Variants in SEC23A observed in about 807,000 individuals in gnomAD.
SEC23A encodes SEC23 homolog A, COPII component, also known as protein transport protein Sec23A.
Under a neutral mutation model 103.7 loss-of-function variants are expected in SEC23A, and 56 were observed. That is an observed-to-expected ratio of 0.54 (90% confidence interval 0.44 to 0.67). The LOEUF (loss-of-function observed/expected upper bound fraction) is 0.67, where lower values mean the gene tolerates loss of function less well. Among genes scored for constraint, SEC23A ranks in the 30% least tolerant of loss-of-function variants. The pLI is 0.00. For missense variants in SEC23A, 784 were observed against 936.4 expected, an observed-to-expected ratio of 0.84 and a Z score of 2.12; for synonymous variants, 281 against 293.0, an observed-to-expected ratio of 0.96 and a Z score of 0.42.
intron 6 of SEC23A, 151 bp from the exon 7 acceptor site, chr14:39,086,057 T>A: frequency 1.4e-6 from 1 of 717,188 alleles, no homozygotes; most frequent in East Asian, 2.7e-5. Context: ...GAGAACCAGC[T>A]GGAGGGCTTG....
chr14:39,076,261 T>G (rs1887016128), intron 7 of SEC23A, among the ~76,000 whole-genome samples, 168 bp from the exon 8 acceptor site: 1 of 152,170 alleles, frequency 6.6e-6, no homozygotes, highest in African/African-American at 2.4e-5. Context: ...TGAACAACTT[T>G]CTTTTAAAAT....
At position 39,087,016 on chromosome 14, in the gene SEC23A, G is replaced by C. The variant is rs569798520; in HGVS notation, c.604-8C>G. 27 of 1,429,964 alleles carry C rather than the reference G, an allele frequency of 1.9e-5. No individual in the cohort carries two copies. In the African/African-American group the frequency reaches 2.2e-4, roughly 12 times the overall value. The allele number at this position is 1,429,964 out of a possible 1,614,324, so 88.6% of individuals were successfully genotyped here. On this transcript the variant is annotated splice_polypyrimidine_tract_variant and splice_region_variant and intron_variant, in intron 5 of 19. Transcript: ENST00000307712. ...AGAGAGCCCCAGCATTTCCTGTAAA[G>C]AGATTACTTGTGCAATATTCATTTA...
chr14:39,069,863 A>G (rs746666162), intron 9 of SEC23A, among the ~76,000 whole-genome samples: 4 of 152,158 alleles, frequency 2.6e-5, no homozygotes, highest in Non-Finnish European at 5.9e-5. Context: ...CTTTGCTAAA[A>G]TATCACCTTC....
intron 9 of SEC23A, among the ~76,000 whole-genome samples, chr14:39,068,000 G>T (rs957143360): frequency 6.6e-6 from 1 of 151,940 alleles, no homozygotes; most frequent in African/African-American, 2.4e-5. Flanking sequence ...GTATGTGTGT[G>T]TATGTATATG....
At chr14:39,100,366 T>C (rs551651681) in intron 1 of SEC23A, among the ~76,000 whole-genome samples, 11 of 152,166 alleles carry the variant, frequency 7.2e-5, no homozygotes, top group South Asian at 4.1e-4. Flanking sequence ...CTTAGTCCCA[T>C]GTCCGACAAT....
At chr14:39,043,263 A>G (rs1760678249) in intron 16 of SEC23A, among the ~76,000 whole-genome samples, 1 of 152,158 alleles carries the variant, frequency 6.6e-6, no homozygotes, top group African/African-American at 2.4e-5. Flanking sequence ...TTACAGGCTC[A>G]GCACTAAATT....
intron 15 of SEC23A, among the ~76,000 whole-genome samples, chr14:39,047,066 G>A (rs950451679): frequency 6.6e-6 from 1 of 152,156 alleles, no homozygotes; most frequent in African/African-American, 2.4e-5. Flanking sequence ...TAAATGTTAG[G>A]TAATATTTTG....
intron 7 of SEC23A, among the ~76,000 whole-genome samples, chr14:39,083,363 C>T (rs904475921): frequency 6.6e-5 from 10 of 151,966 alleles, no homozygotes; most frequent in Non-Finnish European, 1.0e-4. Context: ...ACCTGTCTCT[C>T]ACCTATCTGT....
intron 18 of SEC23A, 187 bp downstream of exon 18, chr14:39,040,545 A>C (rs1374458183): frequency 1.5e-6 from 1 of 671,646 alleles, no homozygotes; most frequent in Admixed American, 2.4e-5. Flanking sequence ...TTAGGCAACT[A>C]GTCAATAATC....
chr14:39,050,064 G>C (rs537748655), intron 14 of SEC23A, among the ~76,000 whole-genome samples: 7 of 151,944 alleles, frequency 4.6e-5, no homozygotes, highest in Admixed American at 4.6e-4. Context: ...CACCGTGCCC[G>C]GCCAAAAACA....
intron 19 of SEC23A, among the ~76,000 whole-genome samples, chr14:39,034,015 A>G (rs1424170949): frequency 6.6e-6 from 1 of 152,250 alleles, no homozygotes; most frequent in African/African-American, 2.4e-5. Context: ...AATTTCAGCA[A>G]ATTATTGGCA....
intron 7 of SEC23A, among the ~76,000 whole-genome samples, chr14:39,077,309 C>T (rs1325410138): frequency 6.7e-6 from 1 of 149,428 alleles, no homozygotes; most frequent in African/African-American, 2.5e-5. Context: ...TTTCAGAGGC[C>T]GAAGCGGGTG....
chr14:39,093,945 A>G (rs541342848), intron 2 of SEC23A, among the ~76,000 whole-genome samples: 1 of 152,198 alleles, frequency 6.6e-6, no homozygotes, highest in South Asian at 2.1e-4. Context: ...TGATACAAGA[A>G]AAAGAGAACT....
At chr14:39,053,476 C>T (rs1252154598) in intron 14 of SEC23A, among the ~76,000 whole-genome samples, 1 of 151,034 alleles carries the variant, frequency 6.6e-6, no homozygotes, top group Non-Finnish European at 1.5e-5. Flanking sequence ...TAATAGTGTC[C>T]CATCAATAGT....
Position 39,048,608 on chromosome 14 carries a change from G to A in SEC23A, c.1737+44C>T, listed in dbSNP as rs778555993. 5 of 1,273,450 alleles carry A rather than the reference G, an allele frequency of 3.9e-6. No homozygotes were observed. In the South Asian group the frequency reaches 4.8e-5, roughly 12 times the overall value. The allele number at this position is 1,273,450 out of a possible 1,614,324, so 78.9% of individuals were successfully genotyped here. On this transcript the variant is annotated intron_variant, in intron 15 of 19. Coordinates refer to ENST00000307712, the MANE Select transcript of SEC23A (RefSeq NM_006364.4). Reference sequence around the variant, plus strand: ...TAGGGAGAGCCTGTCTCTAAAAAAGGAAAAAAAAGAAAAGAAAAGAATATG... The same window carrying A: ...TAGGGAGAGCCTGTCTCTAAAAAAGAAAAAAAAAGAAAAGAAAAGAATATG...
intron 7 of SEC23A, 47 bp downstream of exon 7, chr14:39,085,714 AC>A: frequency 6.2e-7 from 1 of 1,603,634 alleles, no homozygotes; most frequent in Non-Finnish European, 8.5e-7. Flanking sequence ...ACACACACAC[AC>A]ACACACACAC....
intron 14 of SEC23A, among the ~76,000 whole-genome samples, chr14:39,052,336 A>C (rs1315589086): frequency 6.6e-6 from 1 of 152,232 alleles, no homozygotes; most frequent in African/African-American, 2.4e-5. Context: ...TTAAAAAACA[A>C]TCTCAAAATT....
rs1327416185 is a variant in SEC23A, at chr14:39,065,008, TACA to T, written c.1228-18_1228-16del. The T allele has an allele frequency of 1.3e-6, 2 of 1,553,098 alleles. No individual in the cohort carries two copies. The highest frequency in any genetic ancestry group is 1.8e-6 in the Non-Finnish European group (2 of 1,124,296). On this transcript the variant is annotated splice_polypyrimidine_tract_variant and intron_variant, in intron 10 of 19. Coordinates refer to ENST00000307712, the MANE Select transcript of SEC23A (RefSeq NM_006364.4). ...TCCCTTGAGGTCTGCAAAATAAGAA[TACA>T]GCATGTTCGGTTTCCTCAAAGATAC... is the stretch of plus-strand genomic sequence containing the variant.
chr14:39,075,569 A>G (rs1054306880), intron 8 of SEC23A, among the ~76,000 whole-genome samples: 26 of 152,352 alleles, frequency 1.7e-4, no homozygotes, highest in African/African-American at 5.8e-4. Flanking sequence ...AACAATATTC[A>G]TATCTAAAGG....
Sources: gnomAD v4.1 joint callset for allele counts (sites outside exome capture counted in the v4.1 genomes callset) on GRCh38, gnomAD v4.1.1 for gene constraint, MANE v1.5 for transcripts, NCBI Gene and HGNC (gene_info 2026-07-23, HGNC 2026-07-21) for gene names.